The following DNAJC6 variants were observed in gnomAD, a reference collection of about 807,000 sequenced individuals.
DNAJC6 encodes the protein DnaJ heat shock protein family (Hsp40) member C6.
In DNAJC6, 34 loss-of-function variants were observed where a neutral mutation model predicts 110.0. That is an observed-to-expected ratio of 0.31 (90% CI 0.24 to 0.41). The LOEUF (loss-of-function observed/expected upper bound fraction) is 0.41, where lower values mean the gene tolerates loss of function less well. DNAJC6 is among the 10% of genes least tolerant of loss of function. The probability of loss-of-function intolerance (pLI) is 1.00; values close to 1 mark genes in which losing one functional copy is unlikely to be tolerated. For missense variants in DNAJC6, 1,031 were observed against 1,207.8 expected (o/e 0.85, Z 2.17); for synonymous variants, 406 against 437.2 (o/e 0.93, Z 0.89).
chr1:65,285,194 C>T (rs1232485472), intron 1 of DNAJC6, among the ~76,000 whole-genome samples: 1 of 152,192 alleles, frequency 6.6e-6, no homozygotes, highest in East Asian at 1.9e-4. Context: ...CTCTTCTTTC[C>T]TTGCACAGAG....
intron 1 of DNAJC6, among the ~76,000 whole-genome samples, chr1:65,287,180 A>G (rs1654049359): frequency 6.6e-6 from 1 of 152,280 alleles, no homozygotes; most frequent in Admixed American, 6.5e-5. Flanking sequence ...TCTGTCAGAT[A>G]TCCTAATACA....
chr1:65,324,590 G>T (rs1645225461), intron 1 of DNAJC6, among the ~76,000 whole-genome samples: 1 of 151,998 alleles, frequency 6.6e-6, no homozygotes, highest in Non-Finnish European at 1.5e-5. Context: ...AACTCCTGAG[G>T]TCAAGCAATG....
At chr1:65,344,781 C>T (rs1420845135) in intron 1 of DNAJC6, among the ~76,000 whole-genome samples, 1 of 152,086 alleles carries the variant, frequency 6.6e-6, no homozygotes, top group African/African-American at 2.4e-5. Flanking sequence ...GCAGGCAGAA[C>T]AGCTAGTTAA....
rs1278671286 is a variant in DNAJC6 at position 65,414,445 on chromosome 1, A to G, written c.*1420A>G. 6.6e-6 allele frequency: 1 copy of G among 152,666 alleles called. No individual in the cohort carries two copies. The highest frequency in any genetic ancestry group is 1.5e-5 in the Non-Finnish European group (1 of 68,040). 9.5% of individuals were successfully genotyped at this position (152,666 alleles called of 1,614,324 possible). On this transcript the variant is annotated 3_prime_UTR_variant, in exon 19 of 19. Transcript: ENST00000371069. ...TTTTCATGCTAATCTTCAAAGGTTC[A>G]TGCTCAATATTGTGAAAAGCTTTTA...
At chr1:65,307,782 GA>G (rs1194545972), upstream of DNAJC6, among the ~76,000 whole-genome samples, 1 of 152,184 alleles carries the variant, frequency 6.6e-6, no homozygotes, top group Non-Finnish European at 1.5e-5. Flanking sequence ...CAATCTGACA[GA>G]TTTGGAAAAT....
chr1:65,412,550 A>T (rs1646138039), intron 18 of DNAJC6, among the ~76,000 whole-genome samples: 1 of 152,240 alleles, frequency 6.6e-6, no homozygotes. Flanking sequence ...TGTATTCCCC[A>T]TTATGACTCT....
chr1:65,292,504 C>T (rs1041879125), intron 1 of DNAJC6, among the ~76,000 whole-genome samples: 9 of 151,940 alleles, frequency 5.9e-5, no homozygotes, highest in Non-Finnish European at 1.2e-4. Flanking sequence ...GAATGTGGCT[C>T]ATTACAGCTT....
intron 1 of DNAJC6, among the ~76,000 whole-genome samples, chr1:65,346,073 A>G (rs2101501083): frequency 6.6e-6 from 1 of 152,194 alleles, no homozygotes; most frequent in South Asian, 2.1e-4. Context: ...CCTAGGATTC[A>G]CCTTCAGACT....
chr1:65,380,685 G>A (rs1645808702), intron 5 of DNAJC6, among the ~76,000 whole-genome samples: 1 of 152,042 alleles, frequency 6.6e-6, no homozygotes, highest in Non-Finnish European at 1.5e-5. Context: ...ACTTGATGGA[G>A]GAAAGATGGC....
At position 65,388,385 on chromosome 1, in the gene DNAJC6, C is replaced by A; in HGVS notation, c.1163C>A (p.Pro388Gln). Residue 388 changes from proline to glutamine, a missense_variant, in exon 9 of 19, where the codon CCA becomes CAA. Transcript: ENST00000371069. ...CTTCAGTTTCACACTGGATTCATAC[C>A]ACTGGACACAACAGTTTTAAAGTTC... ...FQLQFHTGFI[P>Q]LDTTVLKFTK... is the part of the protein sequence containing the mutation. 6.2e-7 allele frequency: 1 copy of A among 1,614,018 alleles called. No homozygotes were observed. The highest frequency in any genetic ancestry group is 1.1e-5 in the South Asian group (1 of 91,068).
intron 1 of DNAJC6, among the ~76,000 whole-genome samples, chr1:65,318,541 T>C (rs1195150644): frequency 6.6e-6 from 1 of 152,168 alleles, no homozygotes; most frequent in Non-Finnish European, 1.5e-5. Context: ...AATGAGATCA[T>C]GACCTTTGCA....
At chr1:65,354,209 A>T (rs2101527976) in intron 1 of DNAJC6, among the ~76,000 whole-genome samples, 1 of 152,264 alleles carries the variant, frequency 6.6e-6, no homozygotes, top group East Asian at 1.9e-4. Flanking sequence ...GAACAGAATG[A>T]GGTGGGAGAA....
intron 1 of DNAJC6, among the ~76,000 whole-genome samples, chr1:65,313,849 T>C (rs187891436): frequency 2.0e-4 from 30 of 152,292 alleles, no homozygotes; most frequent in African/African-American, 6.7e-4. Flanking sequence ...TAGAAAAGGT[T>C]GTCATTTAAA....
intron 1 of DNAJC6, among the ~76,000 whole-genome samples, chr1:65,322,457 A>G (rs1185870239): frequency 6.6e-6 from 1 of 152,196 alleles, no homozygotes; most frequent in Non-Finnish European, 1.5e-5. Flanking sequence ...TTTATTTAAC[A>G]TTGTCATAGA....
At chr1:65,301,601 G>A (rs1458413618) in intron 1 of DNAJC6, among the ~76,000 whole-genome samples, 1 of 152,062 alleles carries the variant, frequency 6.6e-6, no homozygotes, top group Non-Finnish European at 1.5e-5. Context: ...ACGTTTATTG[G>A]GTTATAATAA....
chr1:65,338,816 G>T (rs1199160603), intron 1 of DNAJC6, among the ~76,000 whole-genome samples: 3 of 152,186 alleles, frequency 2.0e-5, no homozygotes, highest in Non-Finnish European at 4.4e-5. Context: ...TGAGGTATGA[G>T]AATAGAGTTG....
chr1:65,368,602 C>G (rs952568828), intron 4 of DNAJC6, among the ~76,000 whole-genome samples: 9 of 145,914 alleles, frequency 6.2e-5, no homozygotes, highest in Non-Finnish European at 1.3e-4. Context: ...TCTTCTTCTT[C>G]TTCTCCTCCT....
At chr1:65,291,272 A>T (rs1161385514) in intron 1 of DNAJC6, among the ~76,000 whole-genome samples, 4 of 152,190 alleles carry the variant, frequency 2.6e-5, no homozygotes, top group African/African-American at 9.7e-5. Context: ...AACTCAAGTG[A>T]TCCACCCACC....
At chr1:65,299,488 T>TG (rs758179092) in intron 1 of DNAJC6, among the ~76,000 whole-genome samples, 4 of 152,162 alleles carry the variant, frequency 2.6e-5, no homozygotes, top group Non-Finnish European at 5.9e-5. Context: ...CAGGATGAGA[T>TG]GGAGTGATCA....
Sources: allele counts gnomAD v4.1 joint callset (sites outside exome capture counted in the v4.1 genomes callset), GRCh38; gene constraint gnomAD v4.1.1; transcripts MANE v1.5; gene names NCBI Gene and HGNC (gene_info 2026-07-23, HGNC 2026-07-21).